HS3ST3B1: variants seen among roughly 807,000 people sequenced by gnomAD.
HS3ST3B1 encodes heparan sulfate glucosamine 3-O-sulfotransferase 3B1.
A neutral mutation model predicts 21.3 loss-of-function variants in HS3ST3B1; 13 were observed. The ratio of observed to expected loss-of-function variants is 0.61; its 90% CI spans 0.40 to 0.97. HS3ST3B1 has a LOEUF of 0.97. HS3ST3B1 is among the 50% of genes least tolerant of loss of function. The pLI is 0.00. For synonymous variants in HS3ST3B1, 234 were observed against 254.8 expected (o/e 0.92, Z 0.78); for missense variants, 459 against 554.8 (o/e 0.83, Z 1.73).
intron 1 of HS3ST3B1, among the ~76,000 whole-genome samples, chr17:14,312,751 G>A (rs12935987): frequency 0.11 from 17,401 of 151,698 alleles, 1,132 homozygotes; most frequent in African/African-American, 0.17. Flanking sequence ...CACCACTCAG[G>A]GTCTCAGCTC....
In HS3ST3B1 at chr17:14,345,355, C is replaced by T. The variant is rs953796988; in HGVS notation, c.882C>T (p.Phe294=). The T allele has an allele frequency of 9.1e-6, 10 of 1,095,276 alleles. No homozygotes were observed. In the African/African-American group the frequency reaches 9.2e-5, roughly 10 times the overall value. 67.8% of individuals were successfully genotyped at this position (1,095,276 alleles called of 1,614,324 possible). ...ACTTCCCCATCCGCCAGATGCTCTT[C>T]GTGAGCGGCGAGCGGCTCATCAGCG... ...LRHFPIRQML[F]VSGERLISDP... Residue 294 remains phenylalanine, a synonymous_variant, in exon 2 of 2, where the codon TTC becomes TTT. Coordinates refer to ENST00000360954, the MANE Select transcript of HS3ST3B1 (RefSeq NM_006041.3).
chr17:14,321,911 A>G (rs948244707), intron 1 of HS3ST3B1, among the ~76,000 whole-genome samples: 1 of 151,626 alleles, frequency 6.6e-6, no homozygotes, highest in Non-Finnish European at 1.5e-5. Flanking sequence ...CACTTTCTAA[A>G]TTAATTTTTC....
chr17:14,344,330 A>T (rs1160209747), intron 1 of HS3ST3B1, among the ~76,000 whole-genome samples: 2 of 152,172 alleles, frequency 1.3e-5, no homozygotes, highest in Non-Finnish European at 2.9e-5. Flanking sequence ...GGTACCGTTG[A>T]TCCCATCACC....
chr17:14,332,998 G>A (rs748054565), intron 1 of HS3ST3B1, among the ~76,000 whole-genome samples: 19 of 151,976 alleles, frequency 1.3e-4, no homozygotes, highest in Non-Finnish European at 2.6e-4. Context: ...CCCAGGAAGA[G>A]CCCGCAGCTC....
In HS3ST3B1 at chr17:14,301,132, C is replaced by G. The variant is rs373908559; in HGVS notation, c.-387C>G. 18 of 203,500 alleles carry G rather than the reference C, an allele frequency of 8.8e-5. No individual in the cohort carries two copies. Among genetic ancestry groups the G allele is most frequent in the African/African-American group, 4.2e-4 (18 of 43,144 alleles). 12.6% of individuals were successfully genotyped at this position (203,500 alleles called of 1,614,324 possible). The stretch of plus-strand genomic sequence containing the variant: ...GGAAGTGCCGGGGCTGCTCGAGGCT[C>G]AGTTCTTAGGACTGCAAGGAGGCAG... On this transcript the variant is annotated 5_prime_UTR_variant, in exon 1 of 2. Coordinates refer to ENST00000360954, the MANE Select transcript of HS3ST3B1 (RefSeq NM_006041.3).
intron 1 of HS3ST3B1, among the ~76,000 whole-genome samples, chr17:14,302,749 GC>G (rs979215552): frequency 3.3e-5 from 5 of 152,146 alleles, no homozygotes; most frequent in Admixed American, 2.0e-4. Context: ...TCGGGCAAAG[GC>G]GCGCACTGCA....
At chr17:14,337,260 T>C (rs1910212380) in intron 1 of HS3ST3B1, among the ~76,000 whole-genome samples, 1 of 152,118 alleles carries the variant, frequency 6.6e-6, no homozygotes, top group South Asian at 2.1e-4. Context: ...GCCTGATTCA[T>C]ATCTGGTAAC....
Position 14,348,595 on chromosome 17 carries a change from T to G in HS3ST3B1, c.*2949T>G, listed in dbSNP as rs1436073442. On this transcript the variant is annotated 3_prime_UTR_variant, in exon 2 of 2. Coordinates refer to ENST00000360954, the MANE Select transcript of HS3ST3B1 (RefSeq NM_006041.3). ...TCTGCAAGACCACCAGGCTTAACTT[T>G]TTAGCTGCCAGAAGACAAACCCCCT... 1 of 152,204 alleles carries G rather than the reference T, an allele frequency of 6.6e-6. No individual in the cohort carries two copies. Among genetic ancestry groups the G allele is most frequent in the African/African-American group, 2.4e-5 (1 of 41,450 alleles). 9.4% of individuals were successfully genotyped at this position (152,204 alleles called of 1,614,324 possible).
intron 1 of HS3ST3B1, among the ~76,000 whole-genome samples, chr17:14,307,161 T>C (rs971655071): frequency 3.9e-5 from 6 of 152,212 alleles, no homozygotes; most frequent in Admixed American, 3.3e-4. Flanking sequence ...ATGTTATCAT[T>C]GAACAGGTCT....
chr17:14,345,206 C>A lies in HS3ST3B1; in HGVS notation c.733C>A (p.Arg245=), dbSNP rs1319273912. Residue 245 remains arginine, a synonymous_variant, in exon 2 of 2, where the codon CGG becomes AGG. Coordinates refer to ENST00000360954, the MANE Select transcript of HS3ST3B1 (RefSeq NM_006041.3). ...ISDYTQTLSK[R]PDIPTFESLT... is the part of the protein sequence containing the mutation. Reference sequence around the variant, plus strand: ...GGACTACACGCAGACGCTGTCCAAGCGGCCCGACATCCCCACCTTCGAGAG... The same window carrying A: ...GGACTACACGCAGACGCTGTCCAAGAGGCCCGACATCCCCACCTTCGAGAG... 2.7e-6 allele frequency: 4 copies of A among 1,487,880 alleles called. No homozygotes were observed. Among genetic ancestry groups the A allele is most frequent in the Non-Finnish European group, 3.7e-6 (4 of 1,080,944 alleles). 92.2% of individuals were successfully genotyped at this position (1,487,880 alleles called of 1,614,324 possible). A position where few individuals can be genotyped will look rare whatever the true frequency, so the allele number is the denominator to read the frequency against.
chr17:14,322,048 C>T (rs1355211225), intron 1 of HS3ST3B1, among the ~76,000 whole-genome samples: 6 of 150,286 alleles, frequency 4.0e-5, no homozygotes, highest in Non-Finnish European at 4.4e-5. Context: ...CCCTATAATT[C>T]CAAAAAATTA....
chr17:14,339,866 C>A (rs1910316858), intron 1 of HS3ST3B1, among the ~76,000 whole-genome samples: 1 of 152,182 alleles, frequency 6.6e-6, no homozygotes, highest in Non-Finnish European at 1.5e-5. Flanking sequence ...CATCCTCATC[C>A]TTTCTTCTGT....
At chr17:14,312,014 T>C (rs1444926608) in intron 1 of HS3ST3B1, among the ~76,000 whole-genome samples, 1 of 152,104 alleles carries the variant, frequency 6.6e-6, no homozygotes, top group Non-Finnish European at 1.5e-5. Context: ...AAATTTAAAA[T>C]GTGATTTTTG....
chr17:14,322,956 A>C (rs1909703552), intron 1 of HS3ST3B1, among the ~76,000 whole-genome samples: 1 of 132,558 alleles, frequency 7.5e-6, no homozygotes, highest in Non-Finnish European at 1.5e-5. Context: ...CCCAGACTGG[A>C]GTGCAATGGC....
chr17:14,339,992 C>T (rs1022845460), intron 1 of HS3ST3B1, among the ~76,000 whole-genome samples: 1 of 152,064 alleles, frequency 6.6e-6, no homozygotes, highest in Non-Finnish European at 1.5e-5. Context: ...AACTTGACTC[C>T]AGGACTGCGC....
At chr17:14,329,818 C>A (rs79003680) in intron 1 of HS3ST3B1, among the ~76,000 whole-genome samples, 4,896 of 152,280 alleles carry the variant, frequency 0.032, 239 homozygotes, top group Admixed American at 0.14. Flanking sequence ...ATTTAAAAAA[C>A]GATTTTATGT....
In HS3ST3B1 at chr17:14,345,010, T is replaced by C. The variant is rs1567645434; in HGVS notation, c.555-18T>C. The C allele has an allele frequency of 6.2e-7, 1 of 1,605,232 alleles. No homozygotes were observed. Among genetic ancestry groups the C allele is most frequent in the Non-Finnish European group, 8.5e-7 (1 of 1,173,948 alleles). ...GGCGTCACCTTCTGATCCCGGTTTGTTTGCTTGCGTTTCTCAGGGACCTGA... is the reference window on the plus strand; with the variant it reads ...GGCGTCACCTTCTGATCCCGGTTTGCTTGCTTGCGTTTCTCAGGGACCTGA... On this transcript the variant is annotated intron_variant, in intron 1 of 1. Coordinates refer to ENST00000360954, the MANE Select transcript of HS3ST3B1 (RefSeq NM_006041.3).
intron 1 of HS3ST3B1, among the ~76,000 whole-genome samples, chr17:14,302,350 G>A (rs1908963864): frequency 2.0e-5 from 3 of 152,212 alleles, no homozygotes; most frequent in Admixed American, 2.0e-4. Context: ...CAGCGACTGA[G>A]ACCGCCCTCA....
At chr17:14,336,568 G>A (rs1457139717) in intron 1 of HS3ST3B1, among the ~76,000 whole-genome samples, 2 of 152,130 alleles carry the variant, frequency 1.3e-5, no homozygotes, top group Non-Finnish European at 2.9e-5. Flanking sequence ...CCAAAGCCCT[G>A]GGACCGCCAT....
Sources: gnomAD v4.1 joint callset for allele counts (sites outside exome capture counted in the v4.1 genomes callset) on GRCh38, gnomAD v4.1.1 for gene constraint, MANE v1.5 for transcripts, NCBI Gene and HGNC (gene_info 2026-07-23, HGNC 2026-07-21) for gene names.